Variants in ANO2 observed in about 807,000 individuals in gnomAD.
ANO2 encodes anoctamin-2.
A neutral mutation model predicts 124.2 loss-of-function variants in ANO2; 101 were observed. The observed-to-expected ratio is 0.81, with a 90% confidence interval of 0.69 to 0.96. The LOEUF is 0.96. Among genes scored for constraint, ANO2 ranks in the 40% least tolerant of loss-of-function variants. ANO2 has a pLI of 0.00. For missense variants in ANO2, 1,293 were observed against 1,274.5 expected, an observed-to-expected ratio of 1.01 and a Z score of -0.22; for synonymous variants, 486 against 482.5, an observed-to-expected ratio of 1.01 and a Z score of -0.09.
intron 3 of ANO2, among the ~76,000 whole-genome samples, chr12:5,875,962 G>A (rs923530510): frequency 1.3e-5 from 2 of 152,124 alleles, no homozygotes; most frequent in African/African-American, 2.4e-5. Context: ...AGGAACTTGA[G>A]GTATTTTACC....
At chr12:5,720,725 C>T (rs1340854581) in intron 14 of ANO2, among the ~76,000 whole-genome samples, 1 of 152,138 alleles carries the variant, frequency 6.6e-6, no homozygotes, top group African/African-American at 2.4e-5. Flanking sequence ...GGATCCACAG[C>T]TTCTCCTCCC....
chr12:5,719,644 G>T (rs938944892), intron 14 of ANO2, among the ~76,000 whole-genome samples: 1 of 152,206 alleles, frequency 6.6e-6, no homozygotes, highest in East Asian at 1.9e-4. Flanking sequence ...GAATCTGCCA[G>T]TGTCTTGATC....
chr12:5,593,308 A>G (rs936569654), intron 20 of ANO2, among the ~76,000 whole-genome samples: 1 of 152,232 alleles, frequency 6.6e-6, no homozygotes, highest in African/African-American at 2.4e-5. Flanking sequence ...TTCCTGAGGC[A>G]GGATTATAAT....
chr12:5,867,570 T>C (rs1175146993), intron 3 of ANO2, among the ~76,000 whole-genome samples: 2 of 152,172 alleles, frequency 1.3e-5, no homozygotes, highest in African/African-American at 4.8e-5. Context: ...CCCGCACATC[T>C]GTCCGACCTG....
rs568985023 is a variant in ANO2 at position 5,635,928 on chromosome 12, G to A, written c.1621-581C>T. On this transcript the variant is annotated intron_variant, in intron 15 of 24. Transcript: ENST00000682330. This position sits in a 1 kb window ranked among gnomAD's most constrained non-coding sequence, Gnocchi z 5.2. ...CCATTGAAGGTACCTGAGCTGAGAA[G>A]GGATGAGTTACAGCTTGATAAGTAG... 6.6e-6 allele frequency among the ~76,000 whole-genome samples: 1 copy of A among 152,246 alleles called. No homozygotes were observed. The highest frequency in any genetic ancestry group is 1.9e-4 in the East Asian group (1 of 5,174).
At position 5,844,149 on chromosome 12, in the gene ANO2, G is replaced by A. The variant is rs112489107; in HGVS notation, c.633+9894C>T. ...GACAGGAATGGGCAGAATATTCTAG[G>A]ACTAAGGACAAATACTTAAAGCATT... On this transcript the variant is annotated intron_variant, in intron 4 of 24. Transcript: ENST00000682330. 4.6e-3 allele frequency among the ~76,000 whole-genome samples: 693 copies of A among 152,186 alleles called. 7 individuals are homozygous for A. Among genetic ancestry groups the A allele is most frequent in the African/African-American group, 0.016 (652 of 41,450 alleles).
intron 11 of ANO2, among the ~76,000 whole-genome samples, chr12:5,749,648 T>C (rs1239740852): frequency 6.6e-6 from 1 of 152,270 alleles, no homozygotes; most frequent in Non-Finnish European, 1.5e-5. Flanking sequence ...TGCTTCAGTT[T>C]GCAAAGACAA....
intron 3 of ANO2, among the ~76,000 whole-genome samples, chr12:5,909,233 A>C (rs1940889999): frequency 6.6e-6 from 1 of 152,126 alleles, no homozygotes; most frequent in Non-Finnish European, 1.5e-5. Flanking sequence ...ATATTCTCTC[A>C]CTTCTCACCC....
At chr12:5,667,356 T>C (rs1430433174) in intron 14 of ANO2, among the ~76,000 whole-genome samples, 4 of 152,144 alleles carry the variant, frequency 2.6e-5, no homozygotes, top group South Asian at 2.1e-4. Context: ...TATTGATTAA[T>C]AGATAAGTAG....
At chr12:5,931,369 A>T (rs12812404) in intron 1 of ANO2, among the ~76,000 whole-genome samples, 1 of 151,830 alleles carries the variant, frequency 6.6e-6, no homozygotes, top group African/African-American at 2.4e-5. Context: ...ATCTCTGTTC[A>T]TTCATTGCAG....
intron 20 of ANO2, among the ~76,000 whole-genome samples, chr12:5,585,155 C>T (rs950344608): frequency 6.6e-6 from 1 of 151,792 alleles, no homozygotes; most frequent in Admixed American, 6.6e-5. Context: ...CTGGGCTCCA[C>T]GTGAAGAACA....
intron 3 of ANO2, among the ~76,000 whole-genome samples, chr12:5,883,325 T>C (rs1168469821): frequency 2.6e-5 from 4 of 152,214 alleles, no homozygotes; most frequent in East Asian, 1.9e-4. Context: ...GAGCCAGACC[T>C]AGAGATGCCT....
intron 10 of ANO2, among the ~76,000 whole-genome samples, chr12:5,770,314 T>G (rs1952038519): frequency 6.6e-6 from 1 of 152,138 alleles, no homozygotes; most frequent in Non-Finnish European, 1.5e-5. Flanking sequence ...TGGTTTCCAA[T>G]CTCATGAACC....
chr12:5,857,116 C>G (rs1400476978), intron 3 of ANO2, among the ~76,000 whole-genome samples: 3 of 152,134 alleles, frequency 2.0e-5, no homozygotes, highest in African/African-American at 7.2e-5. Flanking sequence ...CAACCATCAC[C>G]GAATGCATCC....
chr12:5,695,001 G>A (rs4930785), intron 14 of ANO2, among the ~76,000 whole-genome samples: 53,783 of 151,954 alleles, frequency 0.35, 10,210 homozygotes, highest in African/African-American at 0.48. Flanking sequence ...ACTCAGAACC[G>A]TGTCTGGTGC....
At chr12:5,834,854 T>C (rs1285811250) in intron 4 of ANO2, among the ~76,000 whole-genome samples, 2 of 152,242 alleles carry the variant, frequency 1.3e-5, no homozygotes, top group East Asian at 1.9e-4. Context: ...TCTTTCCATA[T>C]AGATAGAACT....
chr12:5,638,898 G>C (rs1946185820), intron 15 of ANO2, among the ~76,000 whole-genome samples: 1 of 152,190 alleles, frequency 6.6e-6, no homozygotes, highest in Non-Finnish European at 1.5e-5. Context: ...CCAAGAGAGA[G>C]ACAGGTAAGA....
intron 19 of ANO2, among the ~76,000 whole-genome samples, chr12:5,604,612 G>A (rs1944118472): frequency 2.0e-5 from 3 of 152,158 alleles, no homozygotes; most frequent in South Asian, 4.1e-4. Flanking sequence ...CAGGGGCTAC[G>A]GGAGGGGCTT....
chr12:5,829,752 A>G (rs912878169), intron 6 of ANO2, among the ~76,000 whole-genome samples: 2 of 152,204 alleles, frequency 1.3e-5, no homozygotes, highest in African/African-American at 4.8e-5. Flanking sequence ...AAGATGTTCT[A>G]CAGCTCATGC....
Sources: allele counts gnomAD v4.1 joint callset (sites outside exome capture counted in the v4.1 genomes callset), GRCh38; gene constraint gnomAD v4.1.1; non-coding constraint Gnocchi (gnomAD v3.1); transcripts MANE v1.5; gene names NCBI Gene and HGNC (gene_info 2026-07-23, HGNC 2026-07-21).